Variants in ARSF observed in about 807,000 individuals in gnomAD.
The protein encoded by ARSF is arylsulfatase F.
ARSF carries 33 observed loss-of-function variants against 35.4 expected under a neutral mutation model. The ratio of observed to expected loss-of-function variants is 0.93; its 90% confidence interval spans 0.71 to 1.25. ARSF has a LOEUF of 1.25. Ranked by LOEUF, ARSF falls within the 50% of genes most tolerant of loss-of-function variation. The pLI, the probability that ARSF is intolerant of heterozygous loss-of-function variation, is 0.00. For synonymous variants in ARSF, 222 were observed against 193.1 expected (o/e 1.15, Z -1.24); for missense variants, 501 against 480.2 (o/e 1.04, Z -0.40).
intron 7 of ARSF, among the ~76,000 whole-genome samples, chrX:3,095,806 A>G (rs2090334491): frequency 9.1e-6 from 1 of 109,883 alleles, no homozygotes; most frequent in Non-Finnish European, 1.9e-5. Context: ...ATTTTGAGAG[A>G]CTTATAAGAT....
rs1423439864 is a variant in ARSF, at chrX:3,112,393, C to G, written c.1610C>G (p.Ala537Gly). ...HDFVIKKVAN[A>G]LKEHQETIVP... The stretch of plus-strand genomic sequence containing the variant: ...TTTGTGATTAAAAAGGTGGCCAACG[C>G]CCTGAAGGAACACCAGGAAACCATC... Residue 537 changes from alanine (A) to glycine (G), a missense_variant, in exon 11 of 11, where the codon GCC becomes GGC. Transcript: ENST00000381127. The G allele has an allele frequency of 8.3e-7, 1 of 1,211,457 alleles. No homozygotes were observed. Among genetic ancestry groups the G allele is most frequent in the Admixed American group, 2.2e-5 (1 of 45,965 alleles).
chrX:3,092,212 G>C (rs111471037), intron 7 of ARSF, among the ~76,000 whole-genome samples: 2,935 of 103,771 alleles, frequency 0.028, 46 homozygotes, highest in Middle Eastern at 0.059. Context: ...TACATACATA[G>C]ATACATAGAT....
intron 1 of ARSF, among the ~76,000 whole-genome samples, chrX:3,045,354 C>T (rs1179390164): frequency 9.0e-6 from 1 of 111,166 alleles, no homozygotes; most frequent in Non-Finnish European, 1.9e-5. Context: ...CTCTCTGCAG[C>T]AGAGCGGGGT....
rs750162795 is a variant in ARSF at position 3,094,717 on chromosome X, G to C, written c.967+5085G>C. Among the ~76,000 whole-genome samples, 3 of 111,126 alleles carry C rather than the reference G, an allele frequency of 2.7e-5. No individual in the cohort carries two copies. The Admixed American group carries it at 2.9e-4, about 11-fold the overall frequency. On this transcript the variant is annotated intron_variant, in intron 7 of 10. Coordinates refer to ENST00000381127, the MANE Select transcript of ARSF (RefSeq NM_001201539.2). ...AGTGGTGGAATCCCAGGGCAGGCCTGTCTGTGGACAGCAACACAGCTTGGG... is the reference window on the plus strand; with the variant it reads ...AGTGGTGGAATCCCAGGGCAGGCCTCTCTGTGGACAGCAACACAGCTTGGG...
chrX:3,090,970 A>T (rs1317002277), intron 7 of ARSF, among the ~76,000 whole-genome samples: 2 of 109,883 alleles, frequency 1.8e-5, no homozygotes, highest in Non-Finnish European at 3.8e-5. Context: ...AAGTGCAATG[A>T]CATGATCTCA....
Position 3,086,580 on chromosome X carries a change from G to T in ARSF, c.830+1914G>T, listed in dbSNP as rs190892651. Among the ~76,000 whole-genome samples the T allele has an allele frequency of 1.8e-3, 200 of 111,899 alleles. 1 individual carries two copies. Among genetic ancestry groups the T allele is most frequent in the African/African-American group, 5.0e-3 (153 of 30,854 alleles). On this transcript the variant is annotated intron_variant, in intron 6 of 10. Coordinates refer to ENST00000381127, the MANE Select transcript of ARSF (RefSeq NM_001201539.2). ...GCCTGTAATTCCAGCACTTTGGGAG[G>T]CTGAGGTAAGCGATCACTTAAGTTC...
At chrX:3,078,074 G>A (rs1161359480) in intron 4 of ARSF, among the ~76,000 whole-genome samples, 1 of 109,169 alleles carries the variant, frequency 9.2e-6, no homozygotes, top group Non-Finnish European at 1.9e-5. Flanking sequence ...AGAGTGCGGG[G>A]ATTATAGGTG....
chrX:3,091,804 GGATA>G (rs1176409961), intron 7 of ARSF, among the ~76,000 whole-genome samples: 1 of 68,641 alleles, frequency 1.5e-5, no homozygotes, highest in African/African-American at 6.5e-5. Flanking sequence ...GATGATAGAT[GGATA>G]GATAGATGAT....
chrX:3,077,286 A>G (rs770714870), intron 4 of ARSF, among the ~76,000 whole-genome samples: 1 of 112,441 alleles, frequency 8.9e-6, no homozygotes, highest in South Asian at 3.7e-4. Context: ...AGTAATTAAT[A>G]CAACATGTGT....
intron 7 of ARSF, among the ~76,000 whole-genome samples, chrX:3,093,311 G>C (rs762066259): frequency 8.9e-6 from 1 of 111,774 alleles, no homozygotes; most frequent in Non-Finnish European, 1.9e-5. Context: ...TTTGTTACCT[G>C]GGTATATTGC....
rs1344535244 is a variant in ARSF, at chrX:3,112,409, G to A, written c.1626G>A (p.Gln542=). Residue 542 remains glutamine, a synonymous_variant, in exon 11 of 11, where the codon CAG becomes CAA. Coordinates refer to ENST00000381127, the MANE Select transcript of ARSF (RefSeq NM_001201539.2). The part of the protein sequence containing the change: ...KKVANALKEH[Q]ETIVPVTYQL... ...TGGCCAACGCCCTGAAGGAACACCA[G>A]GAAACCATCGTGCCTGTGACCTACC... The A allele has an allele frequency of 1.7e-6, 2 of 1,211,614 alleles. No homozygotes were observed. Among genetic ancestry groups the A allele is most frequent in the Non-Finnish European group, 2.2e-6 (2 of 895,529 alleles).
At chrX:3,106,364 C>A (rs373620261) in intron 9 of ARSF, among the ~76,000 whole-genome samples, 2 of 112,151 alleles carry the variant, frequency 1.8e-5, no homozygotes, top group Admixed American at 9.5e-5. Flanking sequence ...TATTTGAATT[C>A]ATGACTTCTT....
At position 3,057,053 on chromosome X, in the gene ARSF, C is replaced by T. The variant is rs148822592; in HGVS notation, c.-28-11020C>T. ...AAATATTCCATGAACAAATGAACTT[C>T]GGCTTTGGGGTAAAAGAGTCGGTTG... On this transcript the variant is annotated intron_variant, in intron 1 of 10. Transcript: ENST00000381127. Among the ~76,000 whole-genome samples the T allele has an allele frequency of 9.4e-3, 1,046 of 111,589 alleles. 16 individuals carry two copies. Among genetic ancestry groups the T allele is most frequent in the African/African-American group, 0.032 (990 of 30,711 alleles).
Position 3,081,022 on chromosome X carries a change from CA to C in ARSF, c.406+11del. On this transcript the variant is annotated intron_variant, in intron 5 of 10. Coordinates refer to ENST00000381127, the MANE Select transcript of ARSF (RefSeq NM_001201539.2). Reference sequence around the variant, plus strand: ...CAGCACGGGGCTTATAGGTAAGACACAAGAATTGGTGTTAGTCATTGATCAT... The same window carrying C: ...CAGCACGGGGCTTATAGGTAAGACACAGAATTGGTGTTAGTCATTGATCAT... 1.7e-6 allele frequency: 2 copies of C among 1,208,339 alleles called. No individual in the cohort carries two copies. Among genetic ancestry groups the C allele is most frequent in the Non-Finnish European group, 2.2e-6 (2 of 894,167 alleles).
chrX:3,083,607 CATCT>C (rs1298207391), intron 5 of ARSF, among the ~76,000 whole-genome samples: 2 of 110,759 alleles, frequency 1.8e-5, no homozygotes, highest in Non-Finnish European at 3.8e-5. Flanking sequence ...TATTATCTAT[CATCT>C]ATCTTTCTTT....
At chrX:3,093,092 G>C (rs2090310710) in intron 7 of ARSF, among the ~76,000 whole-genome samples, 1 of 110,846 alleles carries the variant, frequency 9.0e-6, no homozygotes, top group African/African-American at 3.3e-5. Flanking sequence ...CGTGAACCTG[G>C]GAGGCAGAGC....
intron 1 of ARSF, among the ~76,000 whole-genome samples, chrX:3,061,458 A>C (rs2090041295): frequency 9.0e-6 from 1 of 111,544 alleles, no homozygotes; most frequent in South Asian, 3.8e-4. Flanking sequence ...AACAATATTA[A>C]CCTTAAATGT....
intron 2 of ARSF, among the ~76,000 whole-genome samples, chrX:3,069,590 G>T (rs995833760): frequency 1.8e-5 from 2 of 111,389 alleles, no homozygotes; most frequent in African/African-American, 6.5e-5. Context: ...GGGATTACAG[G>T]TGTGAGCCAC....
At chrX:3,082,195 C>T (rs112188729) in intron 5 of ARSF, among the ~76,000 whole-genome samples, 2 of 111,828 alleles carry the variant, frequency 1.8e-5, no homozygotes, top group African/African-American at 6.5e-5. Flanking sequence ...AGGTGTGGTA[C>T]GTTTTACTGA....
Sources: allele counts gnomAD v4.1 joint callset (sites outside exome capture counted in the v4.1 genomes callset), GRCh38; gene constraint gnomAD v4.1.1; transcripts MANE v1.5; gene names NCBI Gene and HGNC (gene_info 2026-07-23, HGNC 2026-07-21).